Variants in GPR153 observed in about 807,000 individuals in gnomAD.
GPR153 encodes G protein-coupled receptor 153.
A neutral mutation model predicts 34.1 loss-of-function variants in GPR153; 27 were observed. The ratio of observed to expected loss-of-function variants is 0.79; its 90% CI spans 0.58 to 1.09. GPR153 has a LOEUF of 1.09. GPR153 is among the 50% of genes least tolerant of loss of function. The pLI is 0.00. For missense variants in GPR153, 848 were observed against 860.2 expected, an observed-to-expected ratio of 0.99 and a Z score of 0.18; for synonymous variants, 408 against 405.4, an observed-to-expected ratio of 1.01 and a Z score of -0.08.
At position 6,251,543 on chromosome 1, in the gene GPR153, G is replaced by A. The variant is rs766322390; in HGVS notation, c.787-13C>T. 50 of 1,567,948 alleles carry A rather than the reference G, an allele frequency of 3.2e-5. No homozygotes were observed. In the Middle Eastern group the frequency reaches 6.2e-4, roughly 19 times the overall value. On this transcript the variant is annotated splice_polypyrimidine_tract_variant and intron_variant, in intron 3 of 5. Coordinates refer to ENST00000377893, the MANE Select transcript of GPR153 (RefSeq NM_207370.4). This position sits in a 1 kb window ranked among gnomAD's most constrained non-coding sequence, Gnocchi z 4.9. ...TGAAGCTCACCACCTGTGGGCACAG[G>A]GCTCGGCCTGGCACCTGCAGGACCC...
In GPR153 at chr1:6,254,854, C is replaced by T; in HGVS notation, c.52G>A (p.Gly18Arg). 2 of 1,603,652 alleles carry T rather than the reference C, an allele frequency of 1.2e-6. No homozygotes were observed. The highest frequency in any genetic ancestry group is 1.7e-6 in the Non-Finnish European group (2 of 1,175,030). Residue 18 changes from glycine to arginine, a missense_variant, in exon 2 of 6, where the codon GGG becomes AGG. Transcript: ENST00000377893. ...GCATTGGCCAGCAGGGAGAGGCCCC[C>T]ACATACCAGCCAGCCCACTGCACTG... ...PGSAVGWLVCGGLSLLANAWG... is the reference protein window; with the variant it reads ...PGSAVGWLVCRGLSLLANAWG...
rs1392236154 is a variant in GPR153 at position 6,254,025 on chromosome 1, C to G, written c.479G>C (p.Gly160Ala). Residue 160 changes from glycine (G) to alanine (A), a missense_variant, in exon 3 of 6, where the codon GGC becomes GCC. By Grantham distance (60) the Gly-to-Ala change is moderately conservative (BLOSUM62 0). Transcript: ENST00000377893. Reference protein sequence around the residue: ...HDTSERFYTHGCRFIVAEIGL... With the variant: ...HDTSERFYTHACRFIVAEIGL... ...GATCTCAGCCACGATGAAGCGGCAG[C>G]CATGGGTGTAGAAGCGCTCGCTGGT... 1 of 1,613,452 alleles carries G rather than the reference C, an allele frequency of 6.2e-7. No homozygotes were observed.
At position 6,251,575 on chromosome 1, in the gene GPR153, A is replaced by G; in HGVS notation, c.787-45T>C. ...CCTGGCACCTGCAGGACCCCCCACC[A>G]TCACACAAGCTCCCCCTGAGTCTCG... is the stretch of plus-strand genomic sequence containing the variant. On this transcript the variant is annotated intron_variant, in intron 3 of 5. Transcript: ENST00000377893. This position sits in a 1 kb window ranked among gnomAD's most constrained non-coding sequence, Gnocchi z 4.9. 1 of 1,511,358 alleles carries G rather than the reference A, an allele frequency of 6.6e-7. No individual in the cohort carries two copies. 93.6% of individuals were successfully genotyped at this position (1,511,358 alleles called of 1,614,324 possible).
intron 1 of GPR153, 85 bp downstream of exon 1, chr1:6,260,740 G>C (rs576183988): frequency 1.3e-5 from 2 of 151,856 alleles, no homozygotes; most frequent in South Asian, 4.1e-4. Flanking sequence ...CCGATAGGGC[G>C]CGGAAAGCCC....
chr1:6,250,532 T>C lies in GPR153; in HGVS notation c.1072A>G (p.Met358Val), dbSNP rs1275827749. 1.9e-6 allele frequency: 3 copies of C among 1,607,028 alleles called. No individual in the cohort carries two copies. Among genetic ancestry groups the C allele is most frequent in the Non-Finnish European group, 2.5e-6 (3 of 1,177,234 alleles). Residue 358 changes from methionine to valine, a missense_variant, in exon 5 of 6, where the codon ATG becomes GTG. Coordinates refer to ENST00000377893, the MANE Select transcript of GPR153 (RefSeq NM_207370.4). The stretch of plus-strand genomic sequence containing the variant: ...AGGGCGGAGATCTCATACTTGGCCA[T>C]CCTATCTAGGGCCACAAAATCACCT... ...YGGDFVALDR[M>V]AKYEISALEG...
Position 6,249,641 on chromosome 1 carries a change from C to G in GPR153, c.1527G>C (p.Glu509Asp), listed in dbSNP as rs2100983506. The change falls in exon 6 of 6, where the codon GAG (glutamate) becomes GAC (aspartate). Residue 509 changes from glutamate to aspartate, a missense_variant. Coordinates refer to ENST00000377893, the MANE Select transcript of GPR153 (RefSeq NM_207370.4). The surrounding 1 kb of genome is among the most constrained non-coding windows in gnomAD (Gnocchi z 4.3). ...LPDAFALTAF[E>D]CEPQALRRPP... ...GGCGGCGCAGGGCCTGTGGCTCGCACTCGAAGGCGGTCAGGGCGAAGGCGT... is the reference window on the plus strand; with the variant it reads ...GGCGGCGCAGGGCCTGTGGCTCGCAGTCGAAGGCGGTCAGGGCGAAGGCGT... 1 of 1,096,286 alleles carries G rather than the reference C, an allele frequency of 9.1e-7. No homozygotes were observed. Among genetic ancestry groups the G allele is most frequent in the Non-Finnish European group, 1.1e-6 (1 of 902,736 alleles). 67.9% of individuals were successfully genotyped at this position (1,096,286 alleles called of 1,614,324 possible).
intron 1 of GPR153, among the ~76,000 whole-genome samples, chr1:6,257,462 A>C (rs1638590942): frequency 6.6e-6 from 1 of 152,220 alleles, no homozygotes; most frequent in Admixed American, 6.5e-5. Context: ...CCCACACAGC[A>C]GCGGTGTGGC....
At position 6,249,191 on chromosome 1, in the gene GPR153, C is replaced by T. The variant is rs1348467776; in HGVS notation, c.*147G>A. ...TGGGACAAGGCCAGCTGGGAGGAGC[C>T]GGAAGACAAACGCTGAGGCCAACGC... On this transcript the variant is annotated 3_prime_UTR_variant, in exon 6 of 6. Coordinates refer to ENST00000377893, the MANE Select transcript of GPR153 (RefSeq NM_207370.4). This position sits in a 1 kb window ranked among gnomAD's most constrained non-coding sequence, Gnocchi z 4.3. 3.6e-6 allele frequency: 2 copies of T among 561,152 alleles called. No individual in the cohort carries two copies. Among genetic ancestry groups the T allele is most frequent in the Non-Finnish European group, 5.3e-6 (2 of 378,288 alleles). The allele number at this position is 561,152 out of a possible 1,614,324, so 34.8% of individuals were successfully genotyped here.
intron 1 of GPR153, among the ~76,000 whole-genome samples, chr1:6,256,948 G>A (rs369988224): frequency 2.6e-5 from 4 of 152,302 alleles, no homozygotes; most frequent in East Asian, 3.9e-4. Flanking sequence ...TCCACGCCCC[G>A]GGAGGACCCT....
In GPR153 at chr1:6,250,545, C is replaced by T; in HGVS notation, c.1059G>A (p.Val353=). The part of the protein sequence containing the change: ...SLDYGYGGDF[V]ALDRMAKYEI... ...CATACTTGGCCATCCTATCTAGGGC[C>T]ACAAAATCACCTCCATAGCCATAGT... Residue 353 remains valine (V), a synonymous_variant, in exon 5 of 6, where the codon GTG becomes GTA. Coordinates refer to ENST00000377893, the MANE Select transcript of GPR153 (RefSeq NM_207370.4). 1.2e-6 allele frequency: 2 copies of T among 1,604,128 alleles called. No individual in the cohort carries two copies. The highest frequency in any genetic ancestry group is 2.2e-5 in the South Asian group (2 of 89,080).
chr1:6,249,248 T>A lies in GPR153; in HGVS notation c.*90A>T. 9.9e-7 allele frequency: 1 copy of A among 1,005,676 alleles called. No homozygotes were observed. The highest frequency in any genetic ancestry group is 1.3e-6 in the Non-Finnish European group (1 of 781,218). 62.3% of individuals were successfully genotyped at this position (1,005,676 alleles called of 1,614,324 possible). ...ACCCCTGGGAGGGGTGGCGCATGTC[T>A]GCGCGCGGGGCGGAGGCGGGCGTCT... On this transcript the variant is annotated 3_prime_UTR_variant, in exon 6 of 6. Transcript: ENST00000377893. This position sits in a 1 kb window ranked among gnomAD's most constrained non-coding sequence, Gnocchi z 4.3.
intron 5 of GPR153, 51 bp from the exon 6 acceptor site, chr1:6,250,054 G>A: frequency 2.4e-6 from 3 of 1,261,602 alleles, no homozygotes; most frequent in Non-Finnish European, 2.0e-6. Context: ...TGGGAAACGG[G>A]GACAAACCCT....
chr1:6,254,079 G>T lies in GPR153; in HGVS notation c.425C>A (p.Ser142Ter), dbSNP rs543319484. The change falls in exon 3 of 6, where the codon TCG becomes TAG. Residue 142 changes from serine to a stop codon, truncating the protein, a stop_gained. Coordinates refer to ENST00000377893, the MANE Select transcript of GPR153 (RefSeq NM_207370.4). LOFTEE classifies it high-confidence loss of function. ...GTGCCAGCCAACGGCAGGCAGGGCC[G>T]ACAGGATGAAGGACACCATCCAGAT... ...MGIWMVSFIL[S>*]ALPAVGWHDT... 1 of 1,613,444 alleles carries T rather than the reference G, an allele frequency of 6.2e-7. No homozygotes were observed. Among genetic ancestry groups the T allele is most frequent in the Non-Finnish European group, 8.5e-7 (1 of 1,180,006 alleles).
At chr1:6,258,910 C>T (rs1191773972) in intron 1 of GPR153, among the ~76,000 whole-genome samples, 1 of 152,212 alleles carries the variant, frequency 6.6e-6, no homozygotes, top group African/African-American at 2.4e-5. Flanking sequence ...CCCAGCCCTT[C>T]GCGGTGCCAG....
intron 3 of GPR153, among the ~76,000 whole-genome samples, chr1:6,252,902 C>T (rs1190273943): frequency 6.6e-6 from 1 of 152,198 alleles, no homozygotes; most frequent in Admixed American, 6.5e-5. Flanking sequence ...CTCACAGCAG[C>T]CCTCACCTTG....
Position 6,254,761 on chromosome 1 carries a change from G to A in GPR153, c.145C>T (p.Leu49Phe). The stretch of plus-strand genomic sequence containing the variant: ...ACATTTAGCATGTGGGTGGCCGCGA[G>A]TGTACACAGCAGGAACTCCAAGGGC... ...WKPLEFLLCT[L>F]AATHMLNVAV... The change falls in exon 2 of 6, where the codon CTC becomes TTC. Residue 49 changes from leucine (L) to phenylalanine (F), a missense_variant. Coordinates refer to ENST00000377893, the MANE Select transcript of GPR153 (RefSeq NM_207370.4). 1.9e-6 allele frequency: 3 copies of A among 1,613,858 alleles called. No individual in the cohort carries two copies. The highest frequency in any genetic ancestry group is 2.5e-6 in the Non-Finnish European group (3 of 1,179,946).
At chr1:6,258,507 A>C (rs1638609628) in intron 1 of GPR153, among the ~76,000 whole-genome samples, 1 of 152,064 alleles carries the variant, frequency 6.6e-6, no homozygotes, top group African/African-American at 2.4e-5. Flanking sequence ...ATACATATTC[A>C]CTGGGACCAG....
rs1428064133 is a variant in GPR153, at chr1:6,249,695, GGGGCC to G, written c.1468_1472del (p.Gly490ProfsTer214). ...GCAGCAGCGAGGCCGAGGCGGAGCG[GGGGCC>G]GGGCCCGGGGCGGCGGCGCGGGCTG... is the stretch of plus-strand genomic sequence containing the variant. On this transcript the variant is annotated frameshift_variant, in exon 6 of 6. Transcript: ENST00000377893. LOFTEE classifies it low-confidence loss of function (END_TRUNC). This position sits in a 1 kb window ranked among gnomAD's most constrained non-coding sequence, Gnocchi z 4.3. The G allele has an allele frequency of 1.9e-6, 2 of 1,043,834 alleles. No homozygotes were observed. The highest frequency in any genetic ancestry group is 2.3e-6 in the Non-Finnish European group (2 of 869,958). 64.7% of individuals were successfully genotyped at this position (1,043,834 alleles called of 1,614,324 possible). A position where few individuals can be genotyped will look rare whatever the true frequency, so the allele number is the denominator to read the frequency against.
chr1:6,260,381 C>CG lies in GPR153; in HGVS notation c.-110+443_-110+444insC, dbSNP rs1279356683. 1.2e-3 allele frequency among the ~76,000 whole-genome samples: 65 copies of CG among 54,754 alleles called. 2 individuals are homozygous for CG. In the South Asian group the frequency reaches 0.041, roughly 35 times the overall value. The allele number at this position is 54,754 out of a possible 152,430, so 35.9% of individuals were successfully genotyped here. A position where few individuals can be genotyped will look rare whatever the true frequency, so the allele number is the denominator to read the frequency against. On this transcript the variant is annotated intron_variant, in intron 1 of 5. Transcript: ENST00000377893. ...CCAACCCCCTGGGGCTCCGATCCCCCCCCCCCCCCGCAATCCCCGCTCCGA... is the reference window on the plus strand; with the variant it reads ...CCAACCCCCTGGGGCTCCGATCCCCCGCCCCCCCCCGCAATCCCCGCTCCGA...
Sources: allele counts gnomAD v4.1 joint callset (sites outside exome capture counted in the v4.1 genomes callset), GRCh38; gene constraint gnomAD v4.1.1; non-coding constraint Gnocchi (gnomAD v3.1); transcripts MANE v1.5; gene names NCBI Gene and HGNC (gene_info 2026-07-23, HGNC 2026-07-21).